Variants in ADCYAP1 observed in about 807,000 individuals in gnomAD.
ADCYAP1 encodes adenylate cyclase activating polypeptide 1.
A neutral mutation model predicts 18.5 loss-of-function variants in ADCYAP1; 6 were observed. The ratio of observed to expected loss-of-function variants is 0.32; its 90% confidence interval spans 0.18 to 0.64. The LOEUF (loss-of-function observed/expected upper bound fraction) is 0.64. Ranked by LOEUF, ADCYAP1 falls within the 30% of genes least tolerant of loss-of-function variation. The pLI is 0.77. For synonymous variants in ADCYAP1, 136 were observed against 113.9 expected, an observed-to-expected ratio of 1.19 and a Z score of -1.24; for missense variants, 314 against 253.6, an observed-to-expected ratio of 1.24 and a Z score of -1.62.
chr18:907,498 C>G, intron 2 of ADCYAP1, 161 bp from the exon 3 acceptor site: 2 of 751,538 alleles, frequency 2.7e-6, no homozygotes, highest in South Asian at 2.2e-5. Context: ...GTTGCCTCCT[C>G]CTTACCTCTG....
chr18:908,835 C>A (rs948170632), intron 4 of ADCYAP1, among the ~76,000 whole-genome samples: 1 of 152,168 alleles, frequency 6.6e-6, no homozygotes, highest in Admixed American at 6.5e-5. Flanking sequence ...TGTGTGAAGC[C>A]TATCTCGGCA....
chr18:905,101 G>A lies in ADCYAP1; in HGVS notation c.-2+41G>A, dbSNP rs1909110724. 7 of 1,338,588 alleles carry A rather than the reference G, an allele frequency of 5.2e-6. No individual in the cohort carries two copies. In the East Asian group the frequency reaches 1.4e-4, roughly 26 times the overall value. The allele number at this position is 1,338,588 out of a possible 1,614,324, so 82.9% of individuals were successfully genotyped here. A position where few individuals can be genotyped will look rare whatever the true frequency, so the allele number is the denominator to read the frequency against. ...TCTTACCAAAGCGACCGGCTCACTC[G>A]ACTGCTGATTCTTTCGCTTGGCATC... On this transcript the variant is annotated intron_variant, in intron 1 of 4. Transcript: ENST00000450565.
Position 910,021 on chromosome 18 carries a change from T to G in ADCYAP1, c.*386T>G, listed in dbSNP as rs2143129808. 6.6e-6 allele frequency: 1 copy of G among 152,580 alleles called. No homozygotes were observed. The highest frequency in any genetic ancestry group is 2.1e-4 in the South Asian group (1 of 4,816). The allele number at this position is 152,580 out of a possible 1,614,324, so 9.5% of individuals were successfully genotyped here. ...AGACAATCATTGTTTTGAATATTAC[T>G]CCTATTTTTGTAAACTGGAATTAAA... On this transcript the variant is annotated 3_prime_UTR_variant, in exon 5 of 5. Coordinates refer to ENST00000450565, the MANE Select transcript of ADCYAP1 (RefSeq NM_001099733.2).
rs1054205195 is a variant in ADCYAP1, at chr18:909,838, C to T, written c.*203C>T. ...AGAATGCACAGATATACTTTGTGGA[C>T]CAATTATTGATATATATTATAAATA... On this transcript the variant is annotated 3_prime_UTR_variant, in exon 5 of 5. Coordinates refer to ENST00000450565, the MANE Select transcript of ADCYAP1 (RefSeq NM_001099733.2). 4 of 201,186 alleles carry T rather than the reference C, an allele frequency of 2.0e-5. No homozygotes were observed. In the East Asian group the frequency reaches 4.3e-4, roughly 22 times the overall value. 12.5% of individuals were successfully genotyped at this position (201,186 alleles called of 1,614,324 possible).
chr18:904,469 A>G, upstream of ADCYAP1: 1 of 1,289,122 alleles, frequency 7.8e-7, no homozygotes, highest in South Asian at 1.2e-5. Context: ...CTCTCCAAAA[A>G]CCATGTTCGG....
chr18:908,480 CTGGG>C (rs1445372556), intron 4 of ADCYAP1, 117 bp downstream of exon 4: 2 of 714,684 alleles, frequency 2.8e-6, no homozygotes, highest in Non-Finnish European at 4.4e-6. Flanking sequence ...GCCCCTGGGT[CTGGG>C]GTGGGCATCC....
chr18:905,451 T>G lies in ADCYAP1; in HGVS notation c.65T>G (p.Val22Gly). 1 of 1,611,722 alleles carries G rather than the reference T, an allele frequency of 6.2e-7. No homozygotes were observed. Among genetic ancestry groups the G allele is most frequent in the Non-Finnish European group, 8.5e-7 (1 of 1,179,996 alleles). ...LVYGIIMHSS[V>G]YSSPAAAGLR... ...TATGGGATAATCATGCACAGCAGCG[T>G]CTACAGCTCACCTGCCGCCGCCGGA... The change falls in exon 2 of 5, where the codon GTC becomes GGC. Residue 22 changes from valine to glycine, a missense_variant. Physicochemically the swap from Val to Gly is moderately radical, Grantham distance 109. Transcript: ENST00000450565.
chr18:911,817 G>A lies in ADCYAP1; in HGVS notation c.*2182G>A, dbSNP rs1394815147. On this transcript the variant is annotated 3_prime_UTR_variant, in exon 5 of 5. Coordinates refer to ENST00000450565, the MANE Select transcript of ADCYAP1 (RefSeq NM_001099733.2). ...ATTTGTTTCTTGGATAATGGGCAGA[G>A]TTTTCTGTATTTGTATCAGCTGTTA... is the stretch of plus-strand genomic sequence containing the variant. The A allele has an allele frequency of 6.6e-6, 1 of 152,172 alleles. No individual in the cohort carries two copies. The highest frequency in any genetic ancestry group is 2.4e-5 in the African/African-American group (1 of 41,430). 9.4% of individuals were successfully genotyped at this position (152,172 alleles called of 1,614,324 possible).
At chr18:905,805 C>G (rs1246154170) in intron 2 of ADCYAP1, 1 of 442,960 alleles carries the variant, frequency 2.3e-6, no homozygotes, top group East Asian at 4.0e-5. Flanking sequence ...GGGCAGGGCA[C>G]GGCCCCTAGC....
chr18:909,369 G>A (rs1224095034), intron 4 of ADCYAP1, 77 bp from the exon 5 acceptor site: 4 of 1,447,572 alleles, frequency 2.8e-6, no homozygotes, highest in African/African-American at 1.4e-5. Context: ...GCGTGGGGTG[G>A]GGCCCGCCTG....
Position 912,129 on chromosome 18 carries a change from A to C in ADCYAP1, c.*2494A>C, listed in dbSNP as rs1909407846. On this transcript the variant is annotated 3_prime_UTR_variant, in exon 5 of 5. Transcript: ENST00000450565. ...CTAGGACTTTGATAACTGTTATATA[A>C]AGTGTGTAAAATTTGTATGAATAAA... 1 of 152,232 alleles carries C rather than the reference A, an allele frequency of 6.6e-6. No individual in the cohort carries two copies. The highest frequency in any genetic ancestry group is 2.1e-4 in the South Asian group (1 of 4,832). The allele number at this position is 152,232 out of a possible 1,614,324, so 9.4% of individuals were successfully genotyped here. A position where few individuals can be genotyped will look rare whatever the true frequency, so the allele number is the denominator to read the frequency against.
chr18:907,145 G>C (rs888908892), intron 2 of ADCYAP1, among the ~76,000 whole-genome samples: 1 of 152,206 alleles, frequency 6.6e-6, no homozygotes, highest in Non-Finnish European at 1.5e-5. Context: ...GCTCGGAGAA[G>C]GGCTCCCCTG....
At position 908,324 on chromosome 18, in the gene ADCYAP1, C is replaced by T. The variant is rs372460905; in HGVS notation, c.302C>T (p.Ala101Val). 1 of 1,613,398 alleles carries T rather than the reference C, an allele frequency of 6.2e-7. No individual in the cohort carries two copies. Among genetic ancestry groups the T allele is most frequent in the Non-Finnish European group, 8.5e-7 (1 of 1,179,784 alleles). Reference sequence around the variant, plus strand: ...CGCAAAGTGCTGGACCAGCTGTCCGCCGGGAAGCACCTGCAGTCGCTCGTG... The same window carrying T: ...CGCAAAGTGCTGGACCAGCTGTCCGTCGGGAAGCACCTGCAGTCGCTCGTG... ...AYRKVLDQLS[A>V]GKHLQSLVAR... Residue 101 changes from alanine to valine, a missense_variant, in exon 4 of 5, where the codon GCC becomes GTC. By Grantham distance (64) the Ala-to-Val change is moderately conservative. Transcript: ENST00000450565.
At chr18:904,845 T>C, upstream of ADCYAP1, 1 of 1,286,984 alleles carries the variant, frequency 7.8e-7, no homozygotes, top group Non-Finnish European at 1.0e-6. Flanking sequence ...TCCCTCCTGG[T>C]TCTGCGCGTC....
At chr18:905,541 G>A in intron 2 of ADCYAP1, 45 bp downstream of exon 2, 1 of 1,593,688 alleles carries the variant, frequency 6.3e-7, no homozygotes, top group South Asian at 1.1e-5. Flanking sequence ...GGGCTTCCCA[G>A]GCACAGACGC....
At position 910,592 on chromosome 18, in the gene ADCYAP1, G is replaced by A. The variant is rs1301951226; in HGVS notation, c.*957G>A. 6.6e-6 allele frequency: 1 copy of A among 152,316 alleles called. No homozygotes were observed. The highest frequency in any genetic ancestry group is 1.5e-5 in the Non-Finnish European group (1 of 68,118). 9.4% of individuals were successfully genotyped at this position (152,316 alleles called of 1,614,324 possible). ...GGACCCTGGAAATGGACTGGTTTGA[G>A]ATTGCCCCAGGTCTGGGAAGCTGAG... On this transcript the variant is annotated 3_prime_UTR_variant, in exon 5 of 5. Coordinates refer to ENST00000450565, the MANE Select transcript of ADCYAP1 (RefSeq NM_001099733.2).
upstream of ADCYAP1, chr18:904,646 G>C: frequency 8.1e-7 from 1 of 1,233,904 alleles, no homozygotes; most frequent in Non-Finnish European, 1.0e-6. Flanking sequence ...CTCCTACAAA[G>C]GCGGGCTAGC....
In ADCYAP1 at chr18:907,709, A is replaced by G. The variant is rs2856966; in HGVS notation, c.161A>G (p.Asp54Gly). 333,629 of 1,555,282 alleles carry G rather than the reference A, an allele frequency of 0.21. 37,571 individuals are homozygous for G. Among genetic ancestry groups the G allele is most frequent in the Middle Eastern group, 0.32 (1,848 of 5,804 alleles). Residue 54 changes from aspartate (D) to glycine (G), a missense_variant, in exon 3 of 5, where the codon GAT (aspartate) becomes GGT (glycine). Transcript: ENST00000450565. Reference sequence around the variant, plus strand: ...GACGGAAACCCGCTGCCAGACTTCGATGGCTCGGAGCCGCCGGGCGCAGGG... The same window carrying G: ...GACGGAAACCCGCTGCCAGACTTCGGTGGCTCGGAGCCGCCGGGCGCAGGG... ...GEDGNPLPDF[D>G]GSEPPGAGSP... is the part of the protein sequence containing the mutation.
intron 4 of ADCYAP1, among the ~76,000 whole-genome samples, chr18:909,091 T>A (rs1240181961): frequency 6.6e-6 from 1 of 151,926 alleles, no homozygotes; most frequent in Non-Finnish European, 1.5e-5. Context: ...ATGTCGCGGG[T>A]GAGAGGAACA....
Sources: gnomAD v4.1 joint callset for allele counts (sites outside exome capture counted in the v4.1 genomes callset) on GRCh38, gnomAD v4.1.1 for gene constraint, MANE v1.5 for transcripts, NCBI Gene and HGNC (gene_info 2026-07-23, HGNC 2026-07-21) for gene names.